Variants in ZNF578 observed in about 807,000 individuals in gnomAD.
ZNF578 encodes zinc finger protein 578, also known as Putative chemokine-related protein B42.
A neutral mutation model predicts 8.3 loss-of-function variants in ZNF578; 8 were observed. The ratio of observed to expected loss-of-function variants is 0.96; its 90% CI spans 0.56 to 1.74. The LOEUF is 1.74. Among genes scored for constraint, ZNF578 ranks in the 40% most tolerant of loss-of-function variants. ZNF578 has a pLI of 0.00. For synonymous variants in ZNF578, 206 were observed against 232.2 expected (o/e 0.89, Z 1.03); for missense variants, 726 against 707.5 (o/e 1.03, Z -0.30).
At chr19:52,466,682 A>G (rs890127781) in intron 2 of ZNF578, among the ~76,000 whole-genome samples, 18 of 152,244 alleles carry the variant, frequency 1.2e-4, no homozygotes, top group African/African-American at 3.6e-4. Context: ...CAACTGTTAT[A>G]TAAGTTAATT....
chr19:52,505,041 C>G (rs961659674), intron 5 of ZNF578, among the ~76,000 whole-genome samples: 1 of 152,204 alleles, frequency 6.6e-6, no homozygotes, highest in African/African-American at 2.4e-5. Flanking sequence ...GCATGCGCCA[C>G]CACGCCCAGC....
In ZNF578 at chr19:52,511,869, A is replaced by G. The variant is rs773223398; in HGVS notation, c.1488A>G (p.Ser496=). ...GTCACAAGACCTTCAGTCACAGGTCATCTCTTCCATGCCATCGTAGACTTC... is the reference window on the plus strand; with the variant it reads ...GTCACAAGACCTTCAGTCACAGGTCGTCTCTTCCATGCCATCGTAGACTTC... ...NECHKTFSHR[S]SLPCHRRLHS... The change falls in exon 6 of 6, where the codon TCA becomes TCG. Residue 496 remains serine (S), a synonymous_variant. Coordinates refer to ENST00000421239, the MANE Select transcript of ZNF578 (RefSeq NM_001099694.2). 13 of 1,613,832 alleles carry G rather than the reference A, an allele frequency of 8.1e-6. No individual in the cohort carries two copies. Among genetic ancestry groups the G allele is most frequent in the Non-Finnish European group, 1.0e-5 (12 of 1,179,896 alleles).
At chr19:52,509,846 G>A (rs1336709845) in intron 5 of ZNF578, among the ~76,000 whole-genome samples, 1 of 151,938 alleles carries the variant, frequency 6.6e-6, no homozygotes, top group Non-Finnish European at 1.5e-5. Flanking sequence ...CATTTATTGA[G>A]AAAAGTATTG....
At position 52,514,726 on chromosome 19, in the gene ZNF578, G is replaced by A. The variant is rs1453385429; in HGVS notation, c.*2572G>A. Among the ~76,000 whole-genome samples the A allele has an allele frequency of 3.3e-5, 5 of 152,040 alleles. No homozygotes were observed. Among genetic ancestry groups the A allele is most frequent in the Admixed American group, 1.3e-4 (2 of 15,256 alleles). On this transcript the variant is annotated 3_prime_UTR_variant, in exon 6 of 6. Coordinates refer to ENST00000421239, the MANE Select transcript of ZNF578 (RefSeq NM_001099694.2). ...CAGCTTGGATGGAGTGCAGTGGTGCGATCTCAGCTCACTGCAACCTCTACC... is the reference window on the plus strand; with the variant it reads ...CAGCTTGGATGGAGTGCAGTGGTGCAATCTCAGCTCACTGCAACCTCTACC...
chr19:52,453,888 C>T (rs2059230287), intron 1 of ZNF578: 1 of 152,266 alleles, frequency 6.6e-6, no homozygotes, highest in African/African-American at 2.4e-5. Flanking sequence ...AAGCCCTCAC[C>T]CATGAGGTGT....
chr19:52,494,883 G>T (rs954511602), intron 3 of ZNF578, among the ~76,000 whole-genome samples: 1 of 152,174 alleles, frequency 6.6e-6, no homozygotes, highest in African/African-American at 2.4e-5. Flanking sequence ...CCAGGCAGGA[G>T]TACAATGGTG....
intron 2 of ZNF578, among the ~76,000 whole-genome samples, chr19:52,466,896 C>G (rs1180787259): frequency 6.6e-6 from 1 of 152,144 alleles, no homozygotes; most frequent in Non-Finnish European, 1.5e-5. Flanking sequence ...TATGTGTTTG[C>G]ATGTGTGTAT....
At position 52,511,505 on chromosome 19, in the gene ZNF578, A is replaced by C. The variant is rs1300089721; in HGVS notation, c.1124A>C (p.Glu375Ala). The change falls in exon 6 of 6, where the codon GAG (glutamate) becomes GCG (alanine). Residue 375 changes from glutamate to alanine, a missense_variant. By Grantham distance (107) the Glu-to-Ala change is moderately radical (BLOSUM62 -1). Transcript: ENST00000421239. Reference sequence around the variant, plus strand: ...GGAATAAAACCTTACAAGTGTAATGAGTGTGGCAAGATGTTTGGTCAAAAT... The same window carrying C: ...GGAATAAAACCTTACAAGTGTAATGCGTGTGGCAAGATGTTTGGTCAAAAT... The part of the protein sequence containing the change: ...HTGIKPYKCN[E>A]CGKMFGQNST... 3.1e-6 allele frequency: 5 copies of C among 1,613,828 alleles called. No homozygotes were observed. The Admixed American group carries it at 6.7e-5, about 22-fold the overall frequency.
At chr19:52,475,570 G>T (rs752401149) in intron 2 of ZNF578, among the ~76,000 whole-genome samples, 31 of 152,054 alleles carry the variant, frequency 2.0e-4, no homozygotes, top group Admixed American at 8.5e-4. Context: ...TGTTGGTCAG[G>T]CTGGTCTCGA....
chr19:52,507,910 G>C lies in ZNF578; in HGVS notation c.191-2662G>C, dbSNP rs373474971. Among the ~76,000 whole-genome samples, 670 of 152,160 alleles carry C rather than the reference G, an allele frequency of 4.4e-3. 5 individuals are homozygous for C. The highest frequency in any genetic ancestry group is 0.015 in the African/African-American group (635 of 41,502). On this transcript the variant is annotated intron_variant, in intron 5 of 5. Transcript: ENST00000421239. Reference sequence around the variant, plus strand: ...ACTAAAACTACAAAATTAGCCGGGAGTGGTGGCACATGCCTGTAATCCCAG... The same window carrying C: ...ACTAAAACTACAAAATTAGCCGGGACTGGTGGCACATGCCTGTAATCCCAG...
At chr19:52,455,658 G>C (rs1001017003) in intron 1 of ZNF578, 4 of 152,126 alleles carry the variant, frequency 2.6e-5, no homozygotes, top group Admixed American at 2.0e-4. Flanking sequence ...GTCCACTAGT[G>C]ACTTCCTGAG....
rs2059470981 is a variant in ZNF578 at position 52,515,577 on chromosome 19, C to G, written c.*3423C>G. On this transcript the variant is annotated 3_prime_UTR_variant, in exon 6 of 6. Coordinates refer to ENST00000421239, the MANE Select transcript of ZNF578 (RefSeq NM_001099694.2). ...TAGACACCTTCTCACTCATCTCAGA[C>G]CTTCTCAGGGTAACTTGGTGAAAAT... Among the ~76,000 whole-genome samples the G allele has an allele frequency of 6.6e-6, 1 of 152,134 alleles. No homozygotes were observed. The highest frequency in any genetic ancestry group is 1.5e-5 in the Non-Finnish European group (1 of 68,022).
chr19:52,464,650 C>G (rs936155066), intron 2 of ZNF578, among the ~76,000 whole-genome samples: 3 of 152,042 alleles, frequency 2.0e-5, no homozygotes, highest in Admixed American at 1.3e-4. Flanking sequence ...AAGTTGTTCT[C>G]TATTTTTTGC....
At chr19:52,503,144 A>T (rs1274354390) in intron 4 of ZNF578, among the ~76,000 whole-genome samples, 1 of 151,698 alleles carries the variant, frequency 6.6e-6, no homozygotes, top group African/African-American at 2.4e-5. Context: ...CCTGTCTTGG[A>T]CTCCCCAGGT....
chr19:52,467,031 G>A (rs1599884069), intron 2 of ZNF578, among the ~76,000 whole-genome samples: 3 of 147,324 alleles, frequency 2.0e-5, no homozygotes, highest in Middle Eastern at 3.5e-3. Context: ...TTTTTTTTGA[G>A]ACAGAGTCTC....
At chr19:52,454,922 A>G (rs1400937897) in intron 1 of ZNF578, 2 of 152,210 alleles carry the variant, frequency 1.3e-5, no homozygotes, top group African/African-American at 2.4e-5. Flanking sequence ...CACGAGAGCA[A>G]TGAAAACAGT....
At chr19:52,461,752 C>A (rs967356391) in intron 2 of ZNF578, among the ~76,000 whole-genome samples, 1 of 152,194 alleles carries the variant, frequency 6.6e-6, no homozygotes, top group African/African-American at 2.4e-5. Context: ...AAAACTGATA[C>A]ACAAATTGAA....
chr19:52,483,925 C>A (rs1438107555), intron 2 of ZNF578, among the ~76,000 whole-genome samples: 1 of 138,970 alleles, frequency 7.2e-6, no homozygotes, highest in East Asian at 2.1e-4. Context: ...AATAAAGAGA[C>A]ACAGAGACAA....
chr19:52,511,209 C>A lies in ZNF578; in HGVS notation c.828C>A (p.Arg276=). The A allele has an allele frequency of 1.2e-6, 2 of 1,614,156 alleles. No individual in the cohort carries two copies. The highest frequency in any genetic ancestry group is 1.7e-6 in the Non-Finnish European group (2 of 1,180,032). ...TTAATGAGAAGCGATACCTTGCACG[C>A]CATCGTAGATGTCACACTAGTGAGA... The part of the protein sequence containing the change: ...KVFNEKRYLA[R]HRRCHTSEKP... The change falls in exon 6 of 6, where the codon CGC becomes CGA. Residue 276 remains arginine, a synonymous_variant. Coordinates refer to ENST00000421239, the MANE Select transcript of ZNF578 (RefSeq NM_001099694.2).
Sources: gnomAD v4.1 joint callset for allele counts (sites outside exome capture counted in the v4.1 genomes callset) on GRCh38, gnomAD v4.1.1 for gene constraint, MANE v1.5 for transcripts, NCBI Gene and HGNC (gene_info 2026-07-23, HGNC 2026-07-21) for gene names.